ICE1: variants seen among roughly 807,000 people sequenced by gnomAD.
ICE1 encodes the protein little elongation complex subunit 1.
In ICE1, 64 loss-of-function variants were observed where a neutral mutation model predicts 192.7. That is an observed-to-expected ratio of 0.33 (90% confidence interval 0.27 to 0.41). The LOEUF is 0.41. ICE1 is among the 10% of genes least tolerant of loss of function. ICE1 has a pLI of 1.00. For synonymous variants in ICE1, 1,010 were observed against 984.5 expected, an observed-to-expected ratio of 1.03 and a Z score of -0.49; for missense variants, 2,708 against 2,696.0, an observed-to-expected ratio of 1.00 and a Z score of -0.10.
chr5:5,478,091 T>C (rs1374732635), intron 17 of ICE1, among the ~76,000 whole-genome samples: 2 of 152,124 alleles, frequency 1.3e-5, no homozygotes, highest in African/African-American at 4.8e-5. Flanking sequence ...CTCTTACCAC[T>C]CCTGTTCAAC....
rs1224365030 is a variant in ICE1 at position 5,461,754 on chromosome 5, C to T, written c.2420C>T (p.Ala807Val). 1.2e-6 allele frequency: 2 copies of T among 1,613,510 alleles called. No homozygotes were observed. Among genetic ancestry groups the T allele is most frequent in the African/African-American group, 2.7e-5 (2 of 74,884 alleles). ...LRKGGEESLR[A>V]KSEHEQKTSH... ...AAAGGTGGCGAAGAAAGTCTGAGAG[C>T]CAAATCAGAACATGAACAGAAGACT... Residue 807 changes from alanine (A) to valine (V), a missense_variant, in exon 13 of 19, where the codon GCC (alanine) becomes GTC (valine). Physicochemically the swap from Ala to Val is moderately conservative, Grantham distance 64 (BLOSUM62 0). Coordinates refer to ENST00000296564, the MANE Select transcript of ICE1 (RefSeq NM_015325.3).
chr5:5,454,420 T>C (rs956914727), intron 10 of ICE1, 132 bp from the exon 11 acceptor site: 4 of 609,062 alleles, frequency 6.6e-6, no homozygotes, highest in Admixed American at 2.5e-5. Flanking sequence ...TTGTGCACAA[T>C]GGTTGAGTTT....
intron 17 of ICE1, among the ~76,000 whole-genome samples, chr5:5,479,160 C>A (rs1739425556): frequency 6.6e-6 from 1 of 152,172 alleles, no homozygotes; most frequent in South Asian, 2.1e-4. Context: ...AATGAACAGG[C>A]ATCCTACAGA....
chr5:5,461,811 T>C lies in ICE1; in HGVS notation c.2477T>C (p.Leu826Pro), dbSNP rs369171505. ...SHQLQKAMPF[L>P]QNRGPTPKPD... ...CAGTTACAAAAGGCAATGCCATTCC[T>C]ACAAAATAGAGGACCAACACCCAAG... Residue 826 changes from leucine (L) to proline (P), a missense_variant, in exon 13 of 19, where the codon CTA becomes CCA. Around this residue, in one of 2 missense-constraint regions of ICE1, gnomAD observed 2,366 missense variants for 2,276.6 expected, o/e 1.04. Coordinates refer to ENST00000296564, the MANE Select transcript of ICE1 (RefSeq NM_015325.3). The C allele has an allele frequency of 4.3e-6, 7 of 1,613,882 alleles. No homozygotes were observed. The highest frequency in any genetic ancestry group is 1.3e-5 in the African/African-American group (1 of 74,930).
At position 5,483,052 on chromosome 5, in the gene ICE1, G is replaced by A. The variant is rs542576637; in HGVS notation, c.6521-3669G>A. On this transcript the variant is annotated intron_variant, in intron 17 of 18. Coordinates refer to ENST00000296564, the MANE Select transcript of ICE1 (RefSeq NM_015325.3). ...GTTGCCCAAGCTGGAGTGCAATGGC[G>A]TGATCTCAGCTCACTGCAACCTCCA... is the stretch of plus-strand genomic sequence containing the variant. Among the ~76,000 whole-genome samples, 9 of 152,116 alleles carry A rather than the reference G, an allele frequency of 5.9e-5. No homozygotes were observed. The South Asian group carries it at 1.2e-3, about 21-fold the overall frequency.
chr5:5,423,739 G>A (rs1253792582), intron 1 of ICE1, among the ~76,000 whole-genome samples: 2 of 152,216 alleles, frequency 1.3e-5, no homozygotes, highest in East Asian at 1.9e-4. Flanking sequence ...CCTGATGTCG[G>A]GGGTCTCTTT....
At chr5:5,444,736 A>T (rs1738161399) in intron 7 of ICE1, among the ~76,000 whole-genome samples, 1 of 152,184 alleles carries the variant, frequency 6.6e-6, no homozygotes, top group Admixed American at 6.5e-5. Context: ...TATAACACAC[A>T]TACAGAGATT....
In ICE1 at chr5:5,447,418, G is replaced by T. The variant is rs1398429032; in HGVS notation, c.425-9G>T. ...TTTTTCTCTCCCTATTGCTTCATTG[G>T]ACTTAAAGAGGCTGCTGTCAAGCAA... is the stretch of plus-strand genomic sequence containing the variant. On this transcript the variant is annotated splice_polypyrimidine_tract_variant and intron_variant, in intron 7 of 18. Coordinates refer to ENST00000296564, the MANE Select transcript of ICE1 (RefSeq NM_015325.3). The T allele has an allele frequency of 1.9e-5, 30 of 1,542,744 alleles. No individual in the cohort carries two copies. The East Asian group carries it at 7.1e-4, about 36-fold the overall frequency.
At position 5,489,142 on chromosome 5, in the gene ICE1, T is replaced by C. The variant is rs774855692; in HGVS notation, c.6620-7T>C. 5 of 1,609,188 alleles carry C rather than the reference T, an allele frequency of 3.1e-6. No homozygotes were observed. The South Asian group carries it at 5.5e-5, about 18-fold the overall frequency. ...TGTTTTATGACTGATCTGAAATTTC[T>C]TTTCAGATATACCATGGGGTATACA... is the stretch of plus-strand genomic sequence containing the variant. On this transcript the variant is annotated splice_polypyrimidine_tract_variant and splice_region_variant and intron_variant, in intron 18 of 18. Transcript: ENST00000296564.
chr5:5,488,967 C>A (rs1019150632), intron 18 of ICE1, among the ~76,000 whole-genome samples, 182 bp from the exon 19 acceptor site: 2 of 151,992 alleles, frequency 1.3e-5, no homozygotes, highest in African/African-American at 4.8e-5. Flanking sequence ...TCTGGCTTTT[C>A]TTCTTTTTTA....
intron 11 of ICE1, among the ~76,000 whole-genome samples, 191 bp from the exon 12 acceptor site, chr5:5,457,141 A>C (rs555280227): frequency 6.6e-6 from 1 of 152,316 alleles, no homozygotes; most frequent in South Asian, 2.1e-4. Context: ...CAAGGCTAGC[A>C]TACTTGTATG....
rs1738869373 is a variant in ICE1 at position 5,463,511 on chromosome 5, A to G, written c.4177A>G (p.Thr1393Ala). 2 of 1,613,648 alleles carry G rather than the reference A, an allele frequency of 1.2e-6. No individual in the cohort carries two copies. The highest frequency in any genetic ancestry group is 1.7e-6 in the Non-Finnish European group (2 of 1,179,686). ...AAGTTCTAACTGCGAGGCCGAAACAACATTTCAGTGTCAGATAGCAACAGT... is the reference window on the plus strand; with the variant it reads ...AAGTTCTAACTGCGAGGCCGAAACAGCATTTCAGTGTCAGATAGCAACAGT... ...EQSSNCEAET[T>A]FQCQIATVTS... The change falls in exon 13 of 19, where the codon ACA (threonine) becomes GCA (alanine). Residue 1393 changes from threonine to alanine, a missense_variant. Thr to Ala is a moderately conservative substitution (Grantham distance 58, BLOSUM62 0). Coordinates refer to ENST00000296564, the MANE Select transcript of ICE1 (RefSeq NM_015325.3).
At position 5,463,230 on chromosome 5, in the gene ICE1, TAA is replaced by T; in HGVS notation, c.3899_3900del (p.Lys1300ArgfsTer28). ...AATAACAACATGACCACTGAGAATTTAAAAGAGAAAAGTCCATTTCGGGAAAC... is the reference window on the plus strand; with the variant it reads ...AATAACAACATGACCACTGAGAATTTAAGAGAAAAGTCCATTTCGGGAAAC... On this transcript the variant is annotated frameshift_variant, in exon 13 of 19. Transcript: ENST00000296564. LOFTEE classifies it high-confidence loss of function. The T allele has an allele frequency of 6.2e-7, 1 of 1,612,044 alleles. No individual in the cohort carries two copies. Among genetic ancestry groups the T allele is most frequent in the Non-Finnish European group, 8.5e-7 (1 of 1,179,310 alleles).
At position 5,464,680 on chromosome 5, in the gene ICE1, CTG is replaced by C. The variant is rs1418311581; in HGVS notation, c.5348_5349del (p.Cys1783Ter). On this transcript the variant is annotated frameshift_variant, in exon 13 of 19. Coordinates refer to ENST00000296564, the MANE Select transcript of ICE1 (RefSeq NM_015325.3). LOFTEE classifies it high-confidence loss of function. The surrounding 1 kb of genome is among the most constrained non-coding windows in gnomAD (Gnocchi z 4.0). Reference sequence around the variant, plus strand: ...AACTCACACGAGGTCCGCCTGCTGACTGTAAGAATTTACCGGGACCTGCCAGT... The same window carrying C: ...AACTCACACGAGGTCCGCCTGCTGACTAAGAATTTACCGGGACCTGCCAGT... The part of the protein sequence containing the change: ...IQLTRGPPAD[C>X]KNLPGPASAM... 2.5e-6 allele frequency: 4 copies of C among 1,613,966 alleles called. No individual in the cohort carries two copies. The highest frequency in any genetic ancestry group is 3.4e-6 in the Non-Finnish European group (4 of 1,179,876).
intron 4 of ICE1, among the ~76,000 whole-genome samples, chr5:5,440,569 A>G (rs917271251): frequency 6.6e-6 from 1 of 152,210 alleles, no homozygotes; most frequent in Non-Finnish European, 1.5e-5. Context: ...CATGCCCATA[A>G]TCCCACCACT....
chr5:5,439,987 C>G, intron 4 of ICE1, 74 bp downstream of exon 4: 1 of 1,077,596 alleles, frequency 9.3e-7, no homozygotes. Flanking sequence ...TTTATTGGAG[C>G]AGATTTTTAA....
chr5:5,468,426 CAA>C (rs143288629), intron 14 of ICE1, among the ~76,000 whole-genome samples: 2,377 of 152,166 alleles, frequency 0.016, 17 homozygotes, highest in Non-Finnish European at 0.018. Context: ...AAAAAAGAGA[CAA>C]AGAGTGTAGG....
At chr5:5,447,547 G>A (rs1374080996) in intron 8 of ICE1, 38 bp downstream of exon 8, 16 of 1,477,444 alleles carry the variant, frequency 1.1e-5, no homozygotes, top group South Asian at 2.5e-5. Context: ...CCTTAAATAC[G>A]TGGCTCCAGG....
rs768505232 is a variant in ICE1 at position 5,464,448 on chromosome 5, C to G, written c.5114C>G (p.Ala1705Gly). Reference sequence around the variant, plus strand: ...TCTCCATCTCCATCTGCAGCTTCAGCCAGTGAGAGGGTAGTGCCGTCTCCT... The same window carrying G: ...TCTCCATCTCCATCTGCAGCTTCAGGCAGTGAGAGGGTAGTGCCGTCTCCT... ...DPSPSPSAAS[A>G]SERVVPSPLQ... The change falls in exon 13 of 19, where the codon GCC becomes GGC. Residue 1705 changes from alanine to glycine, a missense_variant. Around this residue, in one of 2 missense-constraint regions of ICE1, gnomAD observed 2,366 missense variants for 2,276.6 expected, o/e 1.04. Coordinates refer to ENST00000296564, the MANE Select transcript of ICE1 (RefSeq NM_015325.3). This position sits in a 1 kb window ranked among gnomAD's most constrained non-coding sequence, Gnocchi z 4.0. 3 of 1,613,822 alleles carry G rather than the reference C, an allele frequency of 1.9e-6. No homozygotes were observed. The highest frequency in any genetic ancestry group is 2.5e-6 in the Non-Finnish European group (3 of 1,179,896).
Sources: gnomAD v4.1 joint callset for allele counts (sites outside exome capture counted in the v4.1 genomes callset) on GRCh38, gnomAD v4.1.1 for gene constraint, gnomAD v4.1.1 regional missense constraint, Gnocchi (gnomAD v3.1) non-coding constraint, MANE v1.5 for transcripts, NCBI Gene and HGNC (gene_info 2026-07-23, HGNC 2026-07-21) for gene names.